OSBPL9: variants seen among roughly 807,000 people sequenced by gnomAD.
OSBPL9 encodes oxysterol binding protein like 9, also known as oxysterol-binding protein-related protein 9.
Under a neutral mutation model 106.6 loss-of-function variants are expected in OSBPL9, and 40 were observed. The observed-to-expected ratio is 0.38, with a 90% confidence interval of 0.29 to 0.49. The LOEUF (loss-of-function observed/expected upper bound fraction) is 0.49. Among genes scored for constraint, OSBPL9 ranks in the 20% least tolerant of loss-of-function variants. OSBPL9 has a pLI of 0.97. For synonymous variants in OSBPL9, 269 were observed against 295.4 expected (o/e 0.91, Z 0.92); for missense variants, 609 against 887.2 (o/e 0.69, Z 3.98).
At chr1:51,593,066 G>A (rs1385842899) in intron 1 of OSBPL9, among the ~76,000 whole-genome samples, 1 of 152,106 alleles carries the variant, frequency 6.6e-6, no homozygotes, top group Non-Finnish European at 1.5e-5. Context: ...TGAAGCTGAG[G>A]GGCTTTTTGC....
chr1:51,545,554 G>A, the OSBPL9 span, among the ~76,000 whole-genome samples: 1 of 152,168 alleles, frequency 6.6e-6, no homozygotes, highest in African/African-American at 2.4e-5. Context: ...TGAGGTGAGA[G>A]GATAACTTAA....
intron 3 of OSBPL9, among the ~76,000 whole-genome samples, chr1:51,682,094 C>T (rs888850697): frequency 7.3e-5 from 11 of 151,702 alleles, no homozygotes; most frequent in African/African-American, 2.4e-4. Context: ...TCCAGCTACT[C>T]GGGAGGCTGA....
chr1:51,546,339 T>C, the OSBPL9 span, among the ~76,000 whole-genome samples: 2 of 151,966 alleles, frequency 1.3e-5, no homozygotes, highest in African/African-American at 4.8e-5. Flanking sequence ...TATTGATGAA[T>C]ATAATGACAT....
intron 3 of OSBPL9, among the ~76,000 whole-genome samples, chr1:51,705,539 G>A (rs1307934145): frequency 6.8e-5 from 10 of 146,414 alleles, no homozygotes; most frequent in Admixed American, 4.9e-4. Flanking sequence ...TCAGCCTCCC[G>A]AGAGTAGCTG....
chr1:51,687,523 T>C (rs886471787), intron 3 of OSBPL9, among the ~76,000 whole-genome samples: 6 of 151,930 alleles, frequency 3.9e-5, no homozygotes, highest in Non-Finnish European at 8.8e-5. Context: ...TTGATGTGGG[T>C]TTTGAAGGAT....
chr1:51,710,428 T>C (rs1659564021), intron 3 of OSBPL9, among the ~76,000 whole-genome samples: 1 of 152,232 alleles, frequency 6.6e-6, no homozygotes, highest in South Asian at 2.1e-4. Flanking sequence ...TATGATTGTA[T>C]GTAGAGAATA....
chr1:51,747,448 C>T (rs550416775), intron 6 of OSBPL9, among the ~76,000 whole-genome samples: 3 of 151,952 alleles, frequency 2.0e-5, no homozygotes, highest in African/African-American at 7.2e-5. Flanking sequence ...AAATCAAATA[C>T]TGCTTTAATT....
intron 9 of OSBPL9, chr1:51,760,107 A>G (rs1671167809): frequency 6.6e-6 from 1 of 152,640 alleles, no homozygotes; most frequent in African/African-American, 2.4e-5. Context: ...AGATGATTTA[A>G]CTTATATGGG....
chr1:51,760,444 C>A (rs566839165), intron 9 of OSBPL9: 2 of 393,088 alleles, frequency 5.1e-6, no homozygotes, highest in African/African-American at 4.2e-5. Flanking sequence ...TTTATAACTC[C>A]TCAGTTTTTC....
chr1:51,653,912 G>A (rs1354963334), intron 2 of OSBPL9, among the ~76,000 whole-genome samples: 2 of 152,050 alleles, frequency 1.3e-5, no homozygotes, highest in Non-Finnish European at 2.9e-5. Context: ...TGAGGCAGGA[G>A]GATCACTTGA....
chr1:51,747,473 G>A (rs1214126449), intron 6 of OSBPL9, among the ~76,000 whole-genome samples: 1 of 149,766 alleles, frequency 6.7e-6, no homozygotes, highest in African/African-American at 2.5e-5. Flanking sequence ...TTCTGCTATT[G>A]TCCCCCACTT....
At chr1:51,753,716 A>G (rs1669746630) in intron 8 of OSBPL9, among the ~76,000 whole-genome samples, 1 of 152,198 alleles carries the variant, frequency 6.6e-6, no homozygotes, top group African/African-American at 2.4e-5. Context: ...AAAAATTTTA[A>G]TTTTAAGCTC....
chr1:51,534,469 G>A, the OSBPL9 span, among the ~76,000 whole-genome samples: 1 of 152,230 alleles, frequency 6.6e-6, no homozygotes, highest in South Asian at 2.1e-4. Context: ...GATGTTGGTA[G>A]GAAAGTCTAA....
intron 1 of OSBPL9, among the ~76,000 whole-genome samples, chr1:51,617,907 C>A (rs1644168274): frequency 6.6e-6 from 1 of 152,142 alleles, no homozygotes; most frequent in African/African-American, 2.4e-5. Flanking sequence ...TGTCCCCTTA[C>A]AGTTACATTC....
chr1:51,681,537 T>C (rs1652560909), intron 3 of OSBPL9, among the ~76,000 whole-genome samples: 1 of 152,228 alleles, frequency 6.6e-6, no homozygotes, highest in South Asian at 2.1e-4. Flanking sequence ...TTATTATTAT[T>C]CCCATTGCCA....
chr1:51,577,660 G>A (rs1398761455), intron 1 of OSBPL9, among the ~76,000 whole-genome samples: 1 of 152,154 alleles, frequency 6.6e-6, no homozygotes, highest in Non-Finnish European at 1.5e-5. Flanking sequence ...GTGCTATGTA[G>A]AAAAAATGTG....
intron 1 of OSBPL9, among the ~76,000 whole-genome samples, chr1:51,626,582 C>T (rs1255776822): frequency 1.3e-5 from 2 of 152,142 alleles, no homozygotes; most frequent in African/African-American, 4.8e-5. Flanking sequence ...GCTATCACAG[C>T]TCACTGCAGC....
At chr1:51,691,040 A>T (rs902258736) in intron 3 of OSBPL9, among the ~76,000 whole-genome samples, 12 of 152,198 alleles carry the variant, frequency 7.9e-5, no homozygotes, top group Non-Finnish European at 1.2e-4. Context: ...GTAAAAATAT[A>T]GCATAAAAGA....
intron 4 of OSBPL9, among the ~76,000 whole-genome samples, chr1:51,739,462 A>G (rs1396748914): frequency 3.3e-5 from 5 of 152,128 alleles, no homozygotes; most frequent in African/African-American, 9.6e-5. Flanking sequence ...TTTTCAGGGC[A>G]TTCTTGAGGT....
Sources: allele counts gnomAD v4.1 joint callset (sites outside exome capture counted in the v4.1 genomes callset), GRCh38; gene constraint gnomAD v4.1.1; transcripts MANE v1.5; gene names NCBI Gene and HGNC (gene_info 2026-07-23, HGNC 2026-07-21).